Variants in CSMD1 observed in about 807,000 individuals in gnomAD.
CSMD1 encodes CUB and Sushi multiple domains 1.
A neutral mutation model predicts 417.5 loss-of-function variants in CSMD1; 213 were observed. That is an observed-to-expected ratio of 0.51 (90% CI 0.46 to 0.57). CSMD1 has a LOEUF of 0.57. Among genes scored for constraint, CSMD1 ranks in the 20% least tolerant of loss-of-function variants. The probability of loss-of-function intolerance (pLI) is 0.00; values close to 1 mark genes in which losing one functional copy is unlikely to be tolerated. For synonymous variants in CSMD1, 2,862 were observed against 1,736.8 expected (o/e 1.65, Z -16.11); for missense variants, 6,923 against 4,529.7 (o/e 1.53, Z -15.17).
intron 12 of CSMD1, among the ~76,000 whole-genome samples, chr8:3,432,085 A>C (rs2117024006): frequency 6.6e-6 from 1 of 152,320 alleles, no homozygotes; most frequent in South Asian, 2.1e-4. Context: ...TCTGAGGAAA[A>C]GTCCCAGAAC....
At chr8:4,524,808 A>G (rs1193272061) in intron 2 of CSMD1, among the ~76,000 whole-genome samples, 2 of 152,124 alleles carry the variant, frequency 1.3e-5, no homozygotes, top group African/African-American at 4.8e-5. Context: ...CGGTGAGTCA[A>G]AATTGTGCAT....
At chr8:4,561,595 T>C (rs1248037199) in intron 2 of CSMD1, among the ~76,000 whole-genome samples, 2 of 151,830 alleles carry the variant, frequency 1.3e-5, no homozygotes, top group African/African-American at 4.8e-5. Flanking sequence ...AGTGGGAGGA[T>C]CCCTTGAGCC....
At chr8:4,899,991 A>G (rs1054654074) in intron 1 of CSMD1, among the ~76,000 whole-genome samples, 1 of 152,172 alleles carries the variant, frequency 6.6e-6, no homozygotes, top group African/African-American at 2.4e-5. Flanking sequence ...TAGTCTAAGT[A>G]GGATGTCTGT....
At chr8:3,806,096 A>G (rs1030813640) in intron 5 of CSMD1, among the ~76,000 whole-genome samples, 1 of 152,172 alleles carries the variant, frequency 6.6e-6, no homozygotes, top group African/African-American at 2.4e-5. Context: ...GTGGTCTCCA[A>G]TATGCCTTTT....
At chr8:4,187,779 A>C (rs1798772669) in intron 3 of CSMD1, among the ~76,000 whole-genome samples, 1 of 152,004 alleles carries the variant, frequency 6.6e-6, no homozygotes, top group Non-Finnish European at 1.5e-5. Flanking sequence ...CTCACCATAT[A>C]GTAAAATAGG....
intron 3 of CSMD1, among the ~76,000 whole-genome samples, chr8:4,403,522 CTT>C (rs1448815525): frequency 6.6e-6 from 1 of 152,130 alleles, no homozygotes; most frequent in African/African-American, 2.4e-5. Context: ...TCAGTCATGA[CTT>C]AGTATCATTC....
intron 8 of CSMD1, among the ~76,000 whole-genome samples, chr8:3,602,402 A>C (rs1310775217): frequency 2.0e-5 from 3 of 152,156 alleles, no homozygotes; most frequent in African/African-American, 7.2e-5. Context: ...TTCTGAAGAG[A>C]TTTTAAAGGA....
intron 12 of CSMD1, among the ~76,000 whole-genome samples, chr8:3,414,136 TAAAGA>T (rs928344323): frequency 2.2e-5 from 2 of 91,098 alleles, no homozygotes; most frequent in African/African-American, 8.4e-5. Context: ...GAGACTCCGT[TAAAGA>T]AAAGAAAAAA....
intron 5 of CSMD1, among the ~76,000 whole-genome samples, chr8:3,847,741 T>A (rs955992976): frequency 6.6e-6 from 1 of 152,276 alleles, no homozygotes; most frequent in East Asian, 1.9e-4. Context: ...TCCCTGACAC[T>A]GCAGTTCCAG....
intron 3 of CSMD1, among the ~76,000 whole-genome samples, chr8:4,141,330 A>T (rs1365293279): frequency 6.6e-6 from 1 of 151,298 alleles, no homozygotes; most frequent in Non-Finnish European, 1.5e-5. Context: ...AAATGAAGCT[A>T]CTACTGTTCA....
intron 5 of CSMD1, among the ~76,000 whole-genome samples, chr8:3,881,608 C>CAAAAA (rs370466578): frequency 3.9e-5 from 4 of 102,538 alleles, no homozygotes; most frequent in Non-Finnish European, 6.3e-5. Flanking sequence ...GACTCCATCT[C>CAAAAA]AAAAAAAAAA....
intron 1 of CSMD1, among the ~76,000 whole-genome samples, chr8:4,980,170 C>G (rs1404424461): frequency 1.3e-5 from 2 of 152,222 alleles, no homozygotes; most frequent in Non-Finnish European, 2.9e-5. Context: ...ACAGAGAGTT[C>G]TGTGTCACCA....
At chr8:3,870,443 G>T (rs1488229520) in intron 5 of CSMD1, among the ~76,000 whole-genome samples, 1 of 151,986 alleles carries the variant, frequency 6.6e-6, no homozygotes, top group East Asian at 1.9e-4. Context: ...ATCTTTACAT[G>T]TTGGTGGGTA....
chr8:3,878,597 C>T (rs185246670), intron 5 of CSMD1, among the ~76,000 whole-genome samples: 9 of 152,058 alleles, frequency 5.9e-5, no homozygotes, highest in Non-Finnish European at 1.2e-4. Flanking sequence ...ACATTTTTAC[C>T]GATAAATCTG....
intron 3 of CSMD1, among the ~76,000 whole-genome samples, chr8:4,400,749 G>A (rs1804588612): frequency 6.8e-6 from 1 of 146,732 alleles, no homozygotes; most frequent in Non-Finnish European, 1.5e-5. Flanking sequence ...CTAATAGAGT[G>A]CATACAGATC....
chr8:2,979,346 G>C (rs1345333621), intron 54 of CSMD1, among the ~76,000 whole-genome samples: 1 of 152,184 alleles, frequency 6.6e-6, no homozygotes, highest in Non-Finnish European at 1.5e-5. Flanking sequence ...TCTGACTTAG[G>C]CCTCTTCTCC....
chr8:4,572,426 A>G (rs1585268184), intron 2 of CSMD1, among the ~76,000 whole-genome samples: 1 of 152,170 alleles, frequency 6.6e-6, no homozygotes, highest in East Asian at 1.9e-4. Context: ...CTTTTCTTCA[A>G]GAATGTTGAA....
intron 12 of CSMD1, among the ~76,000 whole-genome samples, chr8:3,446,712 T>G (rs1165275291): frequency 6.6e-6 from 1 of 152,228 alleles, no homozygotes; most frequent in African/African-American, 2.4e-5. Flanking sequence ...TCTTGAAAAC[T>G]ATTTTACTTA....
chr8:4,654,573 G>T (rs1373092474), intron 1 of CSMD1, among the ~76,000 whole-genome samples: 1 of 152,030 alleles, frequency 6.6e-6, no homozygotes, highest in Non-Finnish European at 1.5e-5. Context: ...GAGGGATGTT[G>T]GTCTAATCCA....
Sources: gnomAD v4.1 joint callset for allele counts (sites outside exome capture counted in the v4.1 genomes callset) on GRCh38, gnomAD v4.1.1 for gene constraint, MANE v1.5 for transcripts, NCBI Gene and HGNC (gene_info 2026-07-23, HGNC 2026-07-21) for gene names.